The following ANKFN1 variants were observed in gnomAD, a reference collection of about 807,000 sequenced individuals.
ANKFN1 encodes ankyrin repeat and fibronectin type III domain containing 1, also known as ankyrin repeat and fibronectin type-III domain-containing protein 1.
Under a neutral mutation model 108.7 loss-of-function variants are expected in ANKFN1, and 74 were observed. The ratio of observed to expected loss-of-function variants is 0.68; its 90% CI spans 0.56 to 0.83. The LOEUF (loss-of-function observed/expected upper bound fraction) is 0.83, where lower values mean the gene tolerates loss of function less well. Among genes scored for constraint, ANKFN1 ranks in the 40% least tolerant of loss-of-function variants. The pLI is 0.00. For missense variants in ANKFN1, 1,505 were observed against 1,382.3 expected, an observed-to-expected ratio of 1.09 and a Z score of -1.41; for synonymous variants, 547 against 516.2, an observed-to-expected ratio of 1.06 and a Z score of -0.81.
chr17:56,436,150 A>G (rs965194246), intron 8 of ANKFN1, among the ~76,000 whole-genome samples: 6 of 152,200 alleles, frequency 3.9e-5, no homozygotes, highest in Non-Finnish European at 8.8e-5. Flanking sequence ...ATGACTCTAC[A>G]TATCTGAAAC....
At chr17:56,236,728 A>T (rs1211024304) in intron 3 of ANKFN1, among the ~76,000 whole-genome samples, 1 of 152,130 alleles carries the variant, frequency 6.6e-6, no homozygotes, top group African/African-American at 2.4e-5. Context: ...CAATACTATT[A>T]GGTTGGTGCA....
At chr17:56,376,015 G>A (rs1306032736) in intron 8 of ANKFN1, among the ~76,000 whole-genome samples, 1 of 152,180 alleles carries the variant, frequency 6.6e-6, no homozygotes, top group African/African-American at 2.4e-5. Flanking sequence ...GGATTCACAA[G>A]GACATATGGA....
intron 6 of ANKFN1, among the ~76,000 whole-genome samples, chr17:56,358,379 C>T (rs1399550174): frequency 6.6e-6 from 1 of 152,048 alleles, no homozygotes; most frequent in African/African-American, 2.4e-5. Context: ...TATCTTGAAC[C>T]CCTCGATGCC....
chr17:56,335,276 G>T (rs2144588958), intron 4 of ANKFN1, among the ~76,000 whole-genome samples: 1 of 152,200 alleles, frequency 6.6e-6, no homozygotes, highest in Middle Eastern at 3.4e-3. Context: ...GTAGCTTGGT[G>T]GGGATGGCAT....
chr17:56,344,180 A>T (rs752515406), intron 4 of ANKFN1, among the ~76,000 whole-genome samples: 1 of 152,000 alleles, frequency 6.6e-6, no homozygotes, highest in Non-Finnish European at 1.5e-5. Flanking sequence ...TTTATTAATG[A>T]TGTAGCAACT....
intron 3 of ANKFN1, among the ~76,000 whole-genome samples, chr17:56,307,482 C>T (rs538533444): frequency 8.5e-5 from 13 of 152,332 alleles, no homozygotes; most frequent in Admixed American, 7.2e-4. Flanking sequence ...AGAAAATGCT[C>T]ATCATCACTG....
chr17:56,398,773 T>C (rs1371480948), intron 8 of ANKFN1, among the ~76,000 whole-genome samples: 1 of 152,122 alleles, frequency 6.6e-6, no homozygotes, highest in African/African-American at 2.4e-5. Flanking sequence ...TTGGAAAACG[T>C]TTCATCTCTT....
At chr17:56,181,954 G>T (rs1336932089) in intron 1 of ANKFN1, among the ~76,000 whole-genome samples, 1 of 152,102 alleles carries the variant, frequency 6.6e-6, no homozygotes, top group Non-Finnish European at 1.5e-5. Flanking sequence ...TATTTTATCT[G>T]TTGTGGTGAT....
At chr17:56,122,681 C>T (rs1906695259) in intron 4 of ANKFN1, among the ~76,000 whole-genome samples, 1 of 152,082 alleles carries the variant, frequency 6.6e-6, no homozygotes, top group Non-Finnish European at 1.5e-5. Context: ...CTAATGAGGC[C>T]CTCTGGCCAT....
chr17:56,414,192 T>C (rs1450313098), intron 8 of ANKFN1, among the ~76,000 whole-genome samples: 1 of 152,188 alleles, frequency 6.6e-6, no homozygotes, highest in Non-Finnish European at 1.5e-5. Context: ...ATTAGGATGA[T>C]GCTGAACTCA....
intron 4 of ANKFN1, among the ~76,000 whole-genome samples, chr17:56,134,223 G>A (rs1251547717): frequency 6.6e-6 from 1 of 152,136 alleles, no homozygotes; most frequent in East Asian, 1.9e-4. Flanking sequence ...GTCCCAAAGT[G>A]CAGGAGCTTC....
chr17:56,279,782 C>A (rs2044024088), intron 3 of ANKFN1, among the ~76,000 whole-genome samples: 1 of 152,152 alleles, frequency 6.6e-6, no homozygotes, highest in Non-Finnish European at 1.5e-5. Context: ...ATTCATATGA[C>A]AGTTAAAGTG....
intron 4 of ANKFN1, among the ~76,000 whole-genome samples, chr17:56,139,551 C>T (rs940472391): frequency 1.3e-5 from 2 of 152,038 alleles, no homozygotes; most frequent in African/African-American, 4.8e-5. Context: ...ATGTGATTTT[C>T]CCCCCATTAT....
chr17:56,468,262 T>C (rs1231729054), intron 15 of ANKFN1, among the ~76,000 whole-genome samples: 1 of 152,138 alleles, frequency 6.6e-6, no homozygotes, highest in African/African-American at 2.4e-5. Flanking sequence ...GAATACTGAA[T>C]AGCCACCAAA....
chr17:56,370,051 A>G (rs1250594272), intron 6 of ANKFN1, among the ~76,000 whole-genome samples: 1 of 152,174 alleles, frequency 6.6e-6, no homozygotes, highest in Non-Finnish European at 1.5e-5. Context: ...AAGAAGACAC[A>G]TTCATTCATA....
intron 4 of ANKFN1, among the ~76,000 whole-genome samples, chr17:56,093,199 T>A (rs2143198856): frequency 6.6e-6 from 1 of 151,162 alleles, no homozygotes; most frequent in African/African-American, 2.4e-5. Context: ...ACAGGGAACA[T>A]GACCAAGACC....
intron 4 of ANKFN1, among the ~76,000 whole-genome samples, chr17:56,071,951 C>T (rs1905133697): frequency 6.6e-6 from 1 of 152,228 alleles, no homozygotes; most frequent in African/African-American, 2.4e-5. Context: ...GTTCTGGGCC[C>T]TCCGGGCACA....
intron 12 of ANKFN1, 132 bp downstream of exon 12, chr17:56,457,092 TG>T: frequency 8.7e-7 from 1 of 1,150,010 alleles, no homozygotes; most frequent in Non-Finnish European, 1.2e-6. Flanking sequence ...TGAGAATTTG[TG>T]TAAGACAGTA....
intron 14 of ANKFN1, among the ~76,000 whole-genome samples, chr17:56,464,449 A>G (rs1454509172): frequency 6.6e-6 from 1 of 152,210 alleles, no homozygotes; most frequent in East Asian, 1.9e-4. Context: ...ACAAAGATGA[A>G]ACAACTATGA....
Sources: allele counts gnomAD v4.1 joint callset (sites outside exome capture counted in the v4.1 genomes callset), GRCh38; gene constraint gnomAD v4.1.1; transcripts MANE v1.5; gene names NCBI Gene and HGNC (gene_info 2026-07-23, HGNC 2026-07-21).